The following ABCA12 variants were observed in gnomAD, a reference collection of about 807,000 sequenced individuals.
ABCA12 encodes ATP binding cassette subfamily A member 12.
A neutral mutation model predicts 293.5 loss-of-function variants in ABCA12; 156 were observed. The observed-to-expected ratio is 0.53, with a 90% CI of 0.47 to 0.61. The LOEUF (loss-of-function observed/expected upper bound fraction) is 0.61, where lower values mean the gene tolerates loss of function less well. Among genes scored for constraint, ABCA12 ranks in the 20% least tolerant of loss-of-function variants. ABCA12 has a pLI of 0.00. For missense variants in ABCA12, 2,797 were observed against 3,090.2 expected (o/e 0.91, Z 2.25); for synonymous variants, 1,063 against 1,108.0 (o/e 0.96, Z 0.81).
At chr2:215,025,628 G>GTTTTTTTTTGT in intron 11 of ABCA12, 45 bp downstream of exon 11, 1 of 1,203,814 alleles carries the variant, frequency 8.3e-7, no homozygotes, top group East Asian at 2.5e-5. Context: ...TTGTCTTTTT[G>GTTTTTTTTTGT]TTTTTTTTTT....
chr2:214,997,644 A>T lies in ABCA12; in HGVS notation c.3294+51T>A, dbSNP rs761012883. The T allele has an allele frequency of 3.0e-5, 39 of 1,315,424 alleles. 1 individual carries two copies. The highest frequency in any genetic ancestry group is 4.2e-5 in the Non-Finnish European group (38 of 914,506). The allele number at this position is 1,315,424 out of a possible 1,614,324, so 81.5% of individuals were successfully genotyped here. A position where few individuals can be genotyped will look rare whatever the true frequency, so the allele number is the denominator to read the frequency against. On this transcript the variant is annotated intron_variant, in intron 23 of 52. Transcript: ENST00000272895. ...TAAAGGCATGATGAAAATCATAGTAATTGTTCTATGAACAGGACTTATTCA... is the reference window on the plus strand; with the variant it reads ...TAAAGGCATGATGAAAATCATAGTATTTGTTCTATGAACAGGACTTATTCA...
intron 6 of ABCA12, among the ~76,000 whole-genome samples, chr2:215,048,739 A>G (rs1310384869): frequency 6.6e-6 from 1 of 152,068 alleles, no homozygotes; most frequent in Admixed American, 6.6e-5. Flanking sequence ...AAAAACAAAG[A>G]CATGGAATCA....
chr2:215,034,926 T>A (rs749377791), intron 8 of ABCA12, among the ~76,000 whole-genome samples: 1 of 152,198 alleles, frequency 6.6e-6, no homozygotes, highest in Non-Finnish European at 1.5e-5. Flanking sequence ...TGCTATGAGA[T>A]ACCACCCCAC....
intron 2 of ABCA12, among the ~76,000 whole-genome samples, chr2:215,089,310 C>A (rs1523712): frequency 1 from 152,094 of 152,138 alleles, 76,025 homozygotes; most frequent in Non-Finnish European, 1. Flanking sequence ...GGGAACAAAA[C>A]CACGTCAAAA....
chr2:214,947,631 A>G, intron 47 of ABCA12, 75 bp from the exon 48 acceptor site: 1 of 1,519,108 alleles, frequency 6.6e-7, no homozygotes, highest in Non-Finnish European at 9.0e-7. Flanking sequence ...GAAAAAAAAA[A>G]GATGCTCATG....
chr2:214,978,483 G>A lies in ABCA12; in HGVS notation c.4978-17C>T, dbSNP rs369131081. 6.8e-6 allele frequency: 11 copies of A among 1,611,692 alleles called. No individual in the cohort carries two copies. Among genetic ancestry groups the A allele is most frequent in the African/African-American group, 6.7e-5 (5 of 74,888 alleles). On this transcript the variant is annotated splice_polypyrimidine_tract_variant and intron_variant, in intron 32 of 52. Transcript: ENST00000272895. ...CAGAAAGACCTAGAAAGAGAAGCCAGATCACTTCATTAACATGAAAAGTGC... is the reference window on the plus strand; with the variant it reads ...CAGAAAGACCTAGAAAGAGAAGCCAAATCACTTCATTAACATGAAAAGTGC...
Position 214,945,097 on chromosome 2 carries a change from G to A in ABCA12, c.7247C>T (p.Pro2416Leu), listed in dbSNP as rs764355087. The change falls in exon 49 of 53, where the codon CCG becomes CTG. Residue 2416 changes from proline to leucine, a missense_variant. Pro to Leu is a moderately conservative substitution (Grantham distance 98, BLOSUM62 -3). Transcript: ENST00000272895. ...GKPSILLLDE[P>L]SSGMDPKSKR... The stretch of plus-strand genomic sequence containing the variant: ...CGACTTCGGATCCATGCCAGAGCTC[G>A]GCTCATCCTTAATAGAAAGTTACAA... 1.3e-5 allele frequency: 21 copies of A among 1,612,798 alleles called. No individual in the cohort carries two copies. Among genetic ancestry groups the A allele is most frequent in the South Asian group, 3.3e-5 (3 of 90,960 alleles).
At chr2:214,934,304 T>C in intron 51 of ABCA12, 89 bp from the exon 52 acceptor site, 1 of 1,416,552 alleles carries the variant, frequency 7.1e-7, no homozygotes, top group Non-Finnish European at 1.0e-6. Context: ...TTCAGGAAAA[T>C]AACTGAAGTT....
At chr2:215,114,730 G>GCC (rs1702650899) in intron 1 of ABCA12, among the ~76,000 whole-genome samples, 1 of 152,110 alleles carries the variant, frequency 6.6e-6, no homozygotes, top group Non-Finnish European at 1.5e-5. Context: ...TGAATACAAG[G>GCC]TATCGTCTTT....
chr2:214,951,183 G>C, intron 44 of ABCA12, 100 bp from the exon 45 acceptor site: 1 of 1,022,200 alleles, frequency 9.8e-7, no homozygotes, highest in Non-Finnish European at 1.5e-6. Flanking sequence ...CAGTGTACTA[G>C]TCATCATTAG....
At position 214,948,655 on chromosome 2, in the gene ABCA12, C is replaced by T. The variant is rs914307906; in HGVS notation, c.7045G>A (p.Glu2349Lys). ...CTGGCATAGAAATACAAATGTTCTT[C>T]CACAGTTACCAGGTCATCTAAGGCA... Reference protein sequence around the residue: ...EDALDDLVTVEEHLYFYARVH... With the variant: ...EDALDDLVTVKEHLYFYARVH... Residue 2349 changes from glutamate (E) to lysine (K), a missense_variant, in exon 47 of 53, where the codon GAA (glutamate) becomes AAA (lysine). Transcript: ENST00000272895. 3.7e-6 allele frequency: 6 copies of T among 1,613,978 alleles called. No individual in the cohort carries two copies. The highest frequency in any genetic ancestry group is 1.3e-5 in the African/African-American group (1 of 74,918).
At chr2:215,054,756 G>A (rs1701387835) in intron 3 of ABCA12, 92 bp from the exon 4 acceptor site, 1 of 961,092 alleles carries the variant, frequency 1.0e-6, no homozygotes, top group African/African-American at 1.6e-5. Context: ...GGCTGTCTGA[G>A]GACTTTCAAA....
intron 1 of ABCA12, among the ~76,000 whole-genome samples, chr2:215,127,478 G>A (rs1702951884): frequency 6.6e-6 from 1 of 152,142 alleles, no homozygotes; most frequent in Non-Finnish European, 1.5e-5. Context: ...GAGCTCCAGT[G>A]TTAGGTGCCT....
intron 29 of ABCA12, among the ~76,000 whole-genome samples, chr2:214,983,029 G>T (rs1365861662): frequency 6.6e-6 from 1 of 152,156 alleles, no homozygotes; most frequent in African/African-American, 2.4e-5. Flanking sequence ...GGGGGGGTAG[G>T]TGCTGTAAGT....
intron 7 of ABCA12, 46 bp from the exon 8 acceptor site, chr2:215,037,111 G>A (rs763315203): frequency 1.3e-6 from 2 of 1,495,306 alleles, no homozygotes; most frequent in South Asian, 2.3e-5. Flanking sequence ...TTCAAGGTTT[G>A]CAGACAGAAA....
intron 6 of ABCA12, among the ~76,000 whole-genome samples, chr2:215,048,852 A>T (rs1463065957): frequency 6.6e-6 from 1 of 152,250 alleles, no homozygotes; most frequent in Non-Finnish European, 1.5e-5. Context: ...TGTCCTTTGC[A>T]GGAAAATGGA....
chr2:215,073,861 A>G (rs2106085664), intron 2 of ABCA12, among the ~76,000 whole-genome samples: 1 of 152,306 alleles, frequency 6.6e-6, no homozygotes, highest in East Asian at 1.9e-4. Context: ...GGAGGAGTAG[A>G]GTGGGGAAGC....
chr2:214,982,040 A>G (rs2105966382), intron 30 of ABCA12, 147 bp downstream of exon 30: 1 of 715,602 alleles, frequency 1.4e-6, no homozygotes, highest in Non-Finnish European at 2.5e-6. Flanking sequence ...TCAAACTCCC[A>G]GGCTCAAGCA....
Position 215,121,176 on chromosome 2 carries a change from GTAGAGC to G in ABCA12, c.70-9492_70-9487del, listed in dbSNP as rs1293875211. ...CTTTTCTTCCAGAAGCCACTAAGCA[GTAGAGC>G]TGGTGTTTGAACCCAGGGAGTCTGG... On this transcript the variant is annotated intron_variant, in intron 1 of 52. Transcript: ENST00000272895. 3.3e-5 allele frequency among the ~76,000 whole-genome samples: 5 copies of G among 152,332 alleles called. No homozygotes were observed. In the East Asian group the frequency reaches 9.6e-4, roughly 29 times the overall value.
Sources: gnomAD v4.1 joint callset for allele counts (sites outside exome capture counted in the v4.1 genomes callset) on GRCh38, gnomAD v4.1.1 for gene constraint, MANE v1.5 for transcripts, NCBI Gene and HGNC (gene_info 2026-07-23, HGNC 2026-07-21) for gene names.